The following RAP1B variants were observed in gnomAD, a reference collection of about 807,000 sequenced individuals.
The protein encoded by RAP1B is RAP1B, member of RAS oncogene family.
Under a neutral mutation model 27.5 loss-of-function variants are expected in RAP1B, and 1 was observed. The observed-to-expected ratio is 0.04, with a 90% CI of 0.01 to 0.17. The LOEUF is 0.17. Ranked by LOEUF, RAP1B falls within the 10% of genes least tolerant of loss-of-function variation. The pLI is 1.00. For missense variants in RAP1B, 84 were observed against 214.8 expected (o/e 0.39, Z 3.81); for synonymous variants, 75 against 73.1 (o/e 1.03, Z -0.13).
intron 1 of RAP1B, among the ~76,000 whole-genome samples, chr12:68,627,999 A>G (rs1871936702): frequency 6.6e-6 from 1 of 152,132 alleles, no homozygotes; most frequent in African/African-American, 2.4e-5. Flanking sequence ...CCAGTTACTC[A>G]GGATGTTGAG....
chr12:68,643,847 A>G (rs747496316), intron 1 of RAP1B, among the ~76,000 whole-genome samples: 1 of 151,004 alleles, frequency 6.6e-6, no homozygotes, highest in Non-Finnish European at 1.5e-5. Context: ...AATTTTTTCT[A>G]TTTATTAACA....
chr12:68,615,215 AT>A (rs1008946410), intron 1 of RAP1B, among the ~76,000 whole-genome samples: 1 of 152,084 alleles, frequency 6.6e-6, no homozygotes, highest in Non-Finnish European at 1.5e-5. Context: ...ATTTAGAAAG[AT>A]TTTTTTTCCT....
chr12:68,626,139 T>A (rs567575426), intron 1 of RAP1B, among the ~76,000 whole-genome samples: 1 of 152,352 alleles, frequency 6.6e-6, no homozygotes, highest in African/African-American at 2.4e-5. Context: ...CCCATCCTTG[T>A]GGAGGGTGGT....
intron 1 of RAP1B, among the ~76,000 whole-genome samples, chr12:68,637,599 C>CAAAAAAAAAAAAAAAAAAAAAAAAAAAAA (rs58656248): frequency 2.9e-5 from 1 of 34,256 alleles, no homozygotes. Flanking sequence ...AACTCCATCT[C>CAAAAAAAAAAAAAAAAAAAAAAAAAAAAA]AAAAAAAAAA....
At chr12:68,643,672 G>T (rs1873186832) in intron 1 of RAP1B, among the ~76,000 whole-genome samples, 1 of 152,000 alleles carries the variant, frequency 6.6e-6, no homozygotes, top group Admixed American at 6.6e-5. Context: ...ATATTTTATA[G>T]TTACTCTATG....
intron 1 of RAP1B, chr12:68,624,536 C>T (rs1871610074): frequency 6.6e-6 from 1 of 152,214 alleles, no homozygotes. Flanking sequence ...CGTCTGTAAT[C>T]CCAGCACTTT....
In RAP1B at chr12:68,662,207, C is replaced by T. The variant is rs1328743704; in HGVS notation, c.*2958C>T. The T allele has an allele frequency of 6.6e-6, 1 of 151,392 alleles. No individual in the cohort carries two copies. The highest frequency in any genetic ancestry group is 6.6e-5 in the Admixed American group (1 of 15,204). 9.4% of individuals were successfully genotyped at this position (151,392 alleles called of 1,614,324 possible). ...TAGTAACTGCAGTTTGGGAGCACAA[C>T]TCATGTAGATTGACTTTTCTGGTGC... On this transcript the variant is annotated 3_prime_UTR_variant, in exon 8 of 8. Coordinates refer to ENST00000250559, the MANE Select transcript of RAP1B (RefSeq NM_001010942.3).
chr12:68,638,660 A>G (rs1387906278), intron 1 of RAP1B, among the ~76,000 whole-genome samples: 1 of 152,038 alleles, frequency 6.6e-6, no homozygotes, highest in Non-Finnish European at 1.5e-5. Flanking sequence ...TAAGGAATCT[A>G]ACTTTTTTTT....
chr12:68,636,816 G>A (rs184893947), intron 1 of RAP1B, among the ~76,000 whole-genome samples: 125 of 151,966 alleles, frequency 8.2e-4, no homozygotes, highest in African/African-American at 2.9e-3. Context: ...ATCATGCCCA[G>A]CTAATTTTTG....
rs1438769605 is a variant in RAP1B, at chr12:68,664,287, T to C, written c.*5038T>C. ...CCATTATTACCCATTCAAATTTCTA[T>C]TTATGTCTGGTAGTTATGTCCCCTG... On this transcript the variant is annotated 3_prime_UTR_variant, in exon 8 of 8. Coordinates refer to ENST00000250559, the MANE Select transcript of RAP1B (RefSeq NM_001010942.3). The C allele has an allele frequency of 6.6e-6, 1 of 152,232 alleles. No homozygotes were observed. Among genetic ancestry groups the C allele is most frequent in the Non-Finnish European group, 1.5e-5 (1 of 68,038 alleles). 9.4% of individuals were successfully genotyped at this position (152,232 alleles called of 1,614,324 possible).
At chr12:68,624,699 C>G (rs1001730090) in intron 1 of RAP1B, 12 of 152,222 alleles carry the variant, frequency 7.9e-5, no homozygotes, top group African/African-American at 1.2e-4. Flanking sequence ...TCCTGTAGTC[C>G]CAGCTACTCG....
At chr12:68,637,302 G>T (rs140513374) in intron 1 of RAP1B, among the ~76,000 whole-genome samples, 1 of 152,080 alleles carries the variant, frequency 6.6e-6, no homozygotes, top group East Asian at 1.9e-4. Flanking sequence ...CACAGATTAA[G>T]ACACCAGCCT....
intron 1 of RAP1B, among the ~76,000 whole-genome samples, chr12:68,631,053 CTAT>C (rs1410800905): frequency 2.6e-5 from 4 of 151,916 alleles, no homozygotes; most frequent in Non-Finnish European, 5.9e-5. Flanking sequence ...ACCCTAAGTG[CTAT>C]GTTCTGTGAT....
rs2956531 is a variant in RAP1B, at chr12:68,640,936, A to G, written c.-26-7763A>G. The G allele has an allele frequency of 6.6e-3, 1,001 of 152,326 alleles. 10 individuals carry two copies. Among genetic ancestry groups the G allele is most frequent in the African/African-American group, 0.023 (958 of 41,570 alleles). 9.4% of individuals were successfully genotyped at this position (152,326 alleles called of 1,614,324 possible). A position where few individuals can be genotyped will look rare whatever the true frequency, so the allele number is the denominator to read the frequency against. ...ATAGCATTCATTATTGTTTTGTGAA[A>G]ATACTAGTTAATAATCTCCGGTTAA... On this transcript the variant is annotated intron_variant, in intron 1 of 7. Coordinates refer to ENST00000250559, the MANE Select transcript of RAP1B (RefSeq NM_001010942.3).
chr12:68,649,655 T>C (rs1256331695), intron 2 of RAP1B: 2 of 152,204 alleles, frequency 1.3e-5, no homozygotes, highest in Non-Finnish European at 2.9e-5. Flanking sequence ...GCCACCTAGC[T>C]GAGAAGTGTC....
chr12:68,650,948 G>T (rs1419496553), intron 3 of RAP1B: 3 of 152,316 alleles, frequency 2.0e-5, no homozygotes, highest in African/African-American at 7.2e-5. Flanking sequence ...TAGAATATTT[G>T]TATATACATA....
chr12:68,653,039 G>A (rs926727617), intron 4 of RAP1B, among the ~76,000 whole-genome samples: 3 of 151,616 alleles, frequency 2.0e-5, no homozygotes, highest in Non-Finnish European at 2.9e-5. Context: ...GGTGAAACCC[G>A]TCTCTATTAA....
At chr12:68,616,698 T>C (rs1871044036) in intron 1 of RAP1B, among the ~76,000 whole-genome samples, 1 of 152,062 alleles carries the variant, frequency 6.6e-6, no homozygotes, top group African/African-American at 2.4e-5. Context: ...CCTCCCAAAG[T>C]GCTGGGATTA....
intron 1 of RAP1B, 173 bp from the exon 2 acceptor site, chr12:68,648,525 GT>G (rs1331973403): frequency 1.7e-6 from 1 of 577,670 alleles, no homozygotes; most frequent in Admixed American, 3.4e-5. Flanking sequence ...TAATTCTGTA[GT>G]TTTCTTCTAC....
Sources: allele counts gnomAD v4.1 joint callset (sites outside exome capture counted in the v4.1 genomes callset), GRCh38; gene constraint gnomAD v4.1.1; transcripts MANE v1.5; gene names NCBI Gene and HGNC (gene_info 2026-07-23, HGNC 2026-07-21).